Variants in AJAP1 observed in about 807,000 individuals in gnomAD.
AJAP1 encodes the protein adherens junction-associated protein 1.
A neutral mutation model predicts 35.0 loss-of-function variants in AJAP1; 5 were observed. That is an observed-to-expected ratio of 0.14 (90% CI 0.07 to 0.30). The LOEUF (loss-of-function observed/expected upper bound fraction) is 0.30, where lower values mean the gene tolerates loss of function less well. AJAP1 is among the 10% of genes least tolerant of loss of function. AJAP1 has a pLI of 1.00. For synonymous variants in AJAP1, 284 were observed against 249.3 expected, an observed-to-expected ratio of 1.14 and a Z score of -1.31; for missense variants, 586 against 571.0, an observed-to-expected ratio of 1.03 and a Z score of -0.27.
At chr1:4,716,558 GGAT>G (rs1042061037) in intron 2 of AJAP1, among the ~76,000 whole-genome samples, 6 of 151,654 alleles carry the variant, frequency 4.0e-5, no homozygotes, top group South Asian at 2.1e-4. Flanking sequence ...ATGATGATGA[GGAT>G]GATGATGATG....
chr1:4,722,806 C>A (rs1205647805), intron 2 of AJAP1, among the ~76,000 whole-genome samples: 3 of 152,192 alleles, frequency 2.0e-5, no homozygotes, highest in Admixed American at 2.0e-4. Context: ...CCTGGATCAC[C>A]CAGAATGGTC....
intron 2 of AJAP1, among the ~76,000 whole-genome samples, chr1:4,714,419 T>C (rs193284295): frequency 3.3e-5 from 5 of 152,240 alleles, no homozygotes; most frequent in Admixed American, 6.5e-5. Context: ...GTAGGATTTC[T>C]TGCTACTCTC....
At chr1:4,706,548 AC>A (rs990104546) in intron 1 of AJAP1, among the ~76,000 whole-genome samples, 17 of 152,192 alleles carry the variant, frequency 1.1e-4, no homozygotes, top group African/African-American at 3.9e-4. Context: ...GGCCACAGGC[AC>A]AGCTCCAAGG....
In AJAP1 at chr1:4,712,228, C is replaced by G. The variant is rs764507777; in HGVS notation, c.358C>G (p.Pro120Ala). 3 of 1,537,538 alleles carry G rather than the reference C, an allele frequency of 2.0e-6. No individual in the cohort carries two copies. Among genetic ancestry groups the G allele is most frequent in the Admixed American group, 4.1e-5 (2 of 48,236 alleles). ...CGTGCCCAAGGCAGGACTGGCCAAG[C>G]CCCCAGCTGCTGCCAAATCCAGCCC... ...ALVPKAGLAKPPAAAKSSPSL... is the reference protein window; with the variant it reads ...ALVPKAGLAKAPAAAKSSPSL... The change falls in exon 2 of 6, where the codon CCC becomes GCC. Residue 120 changes from proline to alanine, a missense_variant. By Grantham distance (27) the Pro-to-Ala change is conservative. Transcript: ENST00000378191.
rs58022692 is a variant in AJAP1 at position 4,705,395 on chromosome 1, C to CTTTTTTTTT, written c.30-6479_30-6471dup. ...AGCCAAATGGGGAAGTTTTGAAGAGCTTTTTTTTTTTTTTTTTTTTTTTTT... is the reference window on the plus strand; with the variant it reads ...AGCCAAATGGGGAAGTTTTGAAGAGCTTTTTTTTTTTTTTTTTTTTTTTTTTTTTTTTTT... On this transcript the variant is annotated intron_variant, in intron 1 of 5. Coordinates refer to ENST00000378191, the MANE Select transcript of AJAP1 (RefSeq NM_018836.4). Among the ~76,000 whole-genome samples the CTTTTTTTTT allele has an allele frequency of 2.1e-4, 5 of 23,802 alleles. 1 individual carries two copies. The highest frequency in any genetic ancestry group is 2.2e-4 in the Non-Finnish European group (3 of 13,354). 15.6% of individuals were successfully genotyped at this position (23,802 alleles called of 152,430 possible).
chr1:4,673,850 G>C (rs959447772), intron 1 of AJAP1, among the ~76,000 whole-genome samples: 3 of 151,976 alleles, frequency 2.0e-5, no homozygotes, highest in Non-Finnish European at 4.4e-5. Flanking sequence ...GCTCTGGAGA[G>C]GCTTTACTCC....
chr1:4,730,092 C>T (rs957912627), intron 2 of AJAP1, among the ~76,000 whole-genome samples: 1 of 152,262 alleles, frequency 6.6e-6, no homozygotes, highest in African/African-American at 2.4e-5. Flanking sequence ...CCACAGCGTC[C>T]GCAGAGGGCA....
chr1:4,686,701 G>C (rs1465908433), intron 1 of AJAP1, among the ~76,000 whole-genome samples: 1 of 152,204 alleles, frequency 6.6e-6, no homozygotes, highest in Non-Finnish European at 1.5e-5. Flanking sequence ...TCACTTAGAT[G>C]CCCACGTGGA....
chr1:4,656,712 G>T lies in AJAP1; in HGVS notation c.29+1258G>T, dbSNP rs1280185730. 2.6e-5 allele frequency among the ~76,000 whole-genome samples: 4 copies of T among 152,166 alleles called. No homozygotes were observed. The highest frequency in any genetic ancestry group is 5.9e-5 in the Non-Finnish European group (4 of 68,036). Reference sequence around the variant, plus strand: ...CTGTGTAACACATCTAGTGAACATTGTCAGATGTTATTATTAGCATCCCTT... The same window carrying T: ...CTGTGTAACACATCTAGTGAACATTTTCAGATGTTATTATTAGCATCCCTT... On this transcript the variant is annotated intron_variant, in intron 1 of 5. Transcript: ENST00000378191. This position sits in a 1 kb window ranked among gnomAD's most constrained non-coding sequence, Gnocchi z 5.7.
chr1:4,687,228 G>T (rs947708906), intron 1 of AJAP1, among the ~76,000 whole-genome samples: 1 of 152,190 alleles, frequency 6.6e-6, no homozygotes, highest in Non-Finnish European at 1.5e-5. Context: ...AACGCCTCTC[G>T]AAAGCCACCA....
intron 2 of AJAP1, among the ~76,000 whole-genome samples, chr1:4,745,400 C>T (rs1291889296): frequency 1.3e-5 from 2 of 152,090 alleles, no homozygotes; most frequent in African/African-American, 2.4e-5. Flanking sequence ...CTGTCCACAC[C>T]TTTGGGAGGA....
intron 1 of AJAP1, among the ~76,000 whole-genome samples, chr1:4,710,924 C>T (rs551082755): frequency 2.0e-5 from 3 of 152,146 alleles, no homozygotes; most frequent in Admixed American, 6.5e-5. Context: ...GGGGAGGGGC[C>T]GCCCCGCCAG....
chr1:4,772,814 C>T (rs557282091), intron 4 of AJAP1, among the ~76,000 whole-genome samples: 32 of 152,324 alleles, frequency 2.1e-4, no homozygotes, highest in Admixed American at 3.9e-4. Context: ...TCGCTCTGAA[C>T]CGTCATCCTT....
intron 2 of AJAP1, among the ~76,000 whole-genome samples, chr1:4,744,072 C>G (rs1641132041): frequency 6.6e-6 from 1 of 152,174 alleles, no homozygotes; most frequent in African/African-American, 2.4e-5. Flanking sequence ...TGGGACGTGA[C>G]CTCCAGGGAC....
rs1553163063 is a variant in AJAP1 at position 4,790,916 on chromosome 1, T to TTCTGTG, written c.*8432_*8433insCTGTGT. The stretch of plus-strand genomic sequence containing the variant: ...CTGGTCTTCTCAGAAGTGTTTCTGT[T>TTCTGTG]TTTTTGTTTTTGTTTTTGTTTTTGT... On this transcript the variant is annotated 3_prime_UTR_variant, in exon 6 of 6. Transcript: ENST00000378191. 6.7e-6 allele frequency: 1 copy of TTCTGTG among 149,094 alleles called. No individual in the cohort carries two copies. The highest frequency in any genetic ancestry group is 1.5e-5 in the Non-Finnish European group (1 of 67,386). The allele number at this position is 149,094 out of a possible 1,614,324, so 9.2% of individuals were successfully genotyped here. A position where few individuals can be genotyped will look rare whatever the true frequency, so the allele number is the denominator to read the frequency against.
intron 1 of AJAP1, among the ~76,000 whole-genome samples, chr1:4,661,825 A>G (rs1423906466): frequency 3.3e-5 from 5 of 152,260 alleles, no homozygotes; most frequent in Non-Finnish European, 7.3e-5. Flanking sequence ...ATTTTGCAGC[A>G]CAGAATTAAT....
intron 1 of AJAP1, among the ~76,000 whole-genome samples, chr1:4,698,140 A>G (rs569477962): frequency 1.6e-3 from 238 of 152,204 alleles, no homozygotes; most frequent in African/African-American, 5.5e-3. Context: ...AGTGATTTAC[A>G]CGGATGATCT....
chr1:4,701,224 G>A (rs761657142), intron 1 of AJAP1, among the ~76,000 whole-genome samples: 14 of 152,202 alleles, frequency 9.2e-5, no homozygotes, highest in Non-Finnish European at 1.5e-4. Flanking sequence ...GGGTGCTCCC[G>A]TGAGCAGTCA....
chr1:4,694,809 G>A (rs1325954944), intron 1 of AJAP1, among the ~76,000 whole-genome samples: 1 of 152,238 alleles, frequency 6.6e-6, no homozygotes, highest in Non-Finnish European at 1.5e-5. Context: ...AGCCCTGGGA[G>A]CTTTAGGTTG....
Sources: gnomAD v4.1 joint callset for allele counts (sites outside exome capture counted in the v4.1 genomes callset) on GRCh38, gnomAD v4.1.1 for gene constraint, Gnocchi (gnomAD v3.1) non-coding constraint, MANE v1.5 for transcripts, NCBI Gene and HGNC (gene_info 2026-07-23, HGNC 2026-07-21) for gene names.